Variants in TEX26 observed in about 807,000 individuals in gnomAD.
The protein encoded by TEX26 is testis-expressed protein 26.
TEX26 carries 34 observed loss-of-function variants against 35.3 expected under a neutral mutation model. The observed-to-expected ratio is 0.96, with a 90% confidence interval of 0.73 to 1.28. The LOEUF (loss-of-function observed/expected upper bound fraction) is 1.28. TEX26 is among the 50% of genes most tolerant of loss of function. The probability of loss-of-function intolerance (pLI) is 0.00; values close to 1 mark genes in which losing one functional copy is unlikely to be tolerated. For missense variants in TEX26, 371 were observed against 330.1 expected (o/e 1.12, Z -0.96); for synonymous variants, 136 against 111.8 (o/e 1.22, Z -1.36).
intron 5 of TEX26, 109 bp from the exon 6 acceptor site, chr13:30,968,776 G>A: frequency 2.0e-6 from 2 of 1,019,948 alleles, no homozygotes; most frequent in Non-Finnish European, 2.9e-6. Context: ...TGCTGCCTAA[G>A]CTCAAAGCTG....
intron 6 of TEX26, among the ~76,000 whole-genome samples, chr13:30,969,661 C>G (rs1478363781): frequency 6.6e-6 from 1 of 152,174 alleles, no homozygotes; most frequent in Admixed American, 6.5e-5. Context: ...GGAAACTGAG[C>G]TCTTCCTGCA....
intron 6 of TEX26, among the ~76,000 whole-genome samples, chr13:30,970,168 AGTGT>A (rs57600535): frequency 0.11 from 15,681 of 146,242 alleles, 851 homozygotes; most frequent in Middle Eastern, 0.21. Flanking sequence ...GGTGTGTGTG[AGTGT>A]GTGTGTGTGT....
intron 4 of TEX26, among the ~76,000 whole-genome samples, chr13:30,960,825 C>T (rs1999421): frequency 0.4 from 61,509 of 152,018 alleles, 14,614 homozygotes; most frequent in East Asian, 0.68. Context: ...GAGCAGAGGC[C>T]GATTCATTAT....
chr13:30,934,744 G>A (rs61947592), intron 1 of TEX26, among the ~76,000 whole-genome samples: 3,200 of 152,202 alleles, frequency 0.021, 64 homozygotes, highest in African/African-American at 0.047. Context: ...TCCCTGTGCC[G>A]CTACAGCCGC....
chr13:30,971,085 A>G (rs774009479), intron 6 of TEX26, among the ~76,000 whole-genome samples: 1 of 152,132 alleles, frequency 6.6e-6, no homozygotes, highest in Non-Finnish European at 1.5e-5. Context: ...TCTGCTTCCC[A>G]TGGATTTTCA....
rs759713241 is a variant in TEX26 at position 30,966,389 on chromosome 13, C to T, written c.637C>T (p.Gln213Ter). ...CTACTCAAGCTTGCCTGTTGCTTCT[C>T]AGGGTCTAGGTGAGTACAGCTGCAG... ...GCYSSLPVAS[Q>*]GLVPSVLHSY... Residue 213 changes from glutamine (Q) to a stop codon, truncating the protein, a stop_gained, in exon 5 of 7, where the codon CAG (glutamine) becomes TAG (stop). Transcript: ENST00000380473. LOFTEE classifies it high-confidence loss of function. 5 of 1,607,320 alleles carry T rather than the reference C, an allele frequency of 3.1e-6. No homozygotes were observed. The Admixed American group carries it at 5.0e-5, about 16-fold the overall frequency.
At chr13:30,971,641 C>T (rs1954714695) in intron 6 of TEX26, among the ~76,000 whole-genome samples, 1 of 152,188 alleles carries the variant, frequency 6.6e-6, no homozygotes, top group South Asian at 2.1e-4. Flanking sequence ...CCACTAACTC[C>T]GTATGTCACC....
In TEX26 at chr13:30,944,564, T is replaced by C. The variant is rs370827084; in HGVS notation, c.146+4786T>C. On this transcript the variant is annotated intron_variant, in intron 2 of 6. Transcript: ENST00000380473. Reference sequence around the variant, plus strand: ...TCAATTTGTGATCTTTCAGACTTTTTGCTGTAGGCATTTAGTGCTATAAAC... The same window carrying C: ...TCAATTTGTGATCTTTCAGACTTTTCGCTGTAGGCATTTAGTGCTATAAAC... 4.6e-5 allele frequency among the ~76,000 whole-genome samples: 7 copies of C among 152,218 alleles called. No individual in the cohort carries two copies. In the East Asian group the frequency reaches 1.3e-3, roughly 29 times the overall value.
chr13:30,951,989 C>T (rs1953940628), intron 2 of TEX26, among the ~76,000 whole-genome samples: 3 of 67,572 alleles, frequency 4.4e-5, no homozygotes, highest in Non-Finnish European at 8.3e-5. Flanking sequence ...GAAACAGAAT[C>T]ATTATTCTGG....
intron 4 of TEX26, among the ~76,000 whole-genome samples, chr13:30,963,392 C>T (rs1258098505): frequency 1.3e-5 from 2 of 152,136 alleles, no homozygotes; most frequent in African/African-American, 2.4e-5. Context: ...TTTTAGGTGT[C>T]GCTTAGGTCC....
Position 30,956,907 on chromosome 13 carries a change from A to T in TEX26, c.347A>T (p.Gln116Leu). Residue 116 changes from glutamine to leucine, a missense_variant, in exon 4 of 7, where the codon CAA becomes CTA. Gln to Leu is a moderately radical substitution (Grantham distance 113). Coordinates refer to ENST00000380473, the MANE Select transcript of TEX26 (RefSeq NM_152325.3). ...CTGTGGACACTACCTCACTGTCAAC[A>T]AACGGGGACACTAAAGAACTGCCTC... ...IFLWTLPHCQ[Q>L]TGTLKNCLPW... 1 of 1,614,236 alleles carries T rather than the reference A, an allele frequency of 6.2e-7. No homozygotes were observed. The highest frequency in any genetic ancestry group is 8.5e-7 in the Non-Finnish European group (1 of 1,180,026).
intron 3 of TEX26, among the ~76,000 whole-genome samples, chr13:30,956,589 C>A (rs1037931989): frequency 6.6e-6 from 1 of 152,152 alleles, no homozygotes; most frequent in African/African-American, 2.4e-5. Flanking sequence ...TTATTTCTTC[C>A]CTTAGTCTTA....
chr13:30,948,909 A>T (rs1426013423), intron 2 of TEX26, among the ~76,000 whole-genome samples: 1 of 152,136 alleles, frequency 6.6e-6, no homozygotes, highest in Non-Finnish European at 1.5e-5. Flanking sequence ...TCTTGAATTA[A>T]TTTTTGTATA....
At chr13:30,938,478 C>A (rs1017040128) in intron 1 of TEX26, among the ~76,000 whole-genome samples, 2 of 152,136 alleles carry the variant, frequency 1.3e-5, no homozygotes, top group Admixed American at 6.6e-5. Flanking sequence ...GAGGGCATTG[C>A]ATGGTGATAG....
chr13:30,948,310 G>A (rs1953792522), intron 2 of TEX26, among the ~76,000 whole-genome samples: 1 of 152,130 alleles, frequency 6.6e-6, no homozygotes, highest in South Asian at 2.1e-4. Flanking sequence ...CTGAGGAATC[G>A]CCACACCAAC....
intron 6 of TEX26, among the ~76,000 whole-genome samples, chr13:30,972,953 A>G (rs946575979): frequency 1.3e-5 from 2 of 152,236 alleles, no homozygotes; most frequent in Admixed American, 6.5e-5. Context: ...GAGTACAATC[A>G]CTTTGGAAAC....
At chr13:30,947,686 C>G (rs1953763156) in intron 2 of TEX26, among the ~76,000 whole-genome samples, 1 of 152,048 alleles carries the variant, frequency 6.6e-6, no homozygotes, top group South Asian at 2.1e-4. Flanking sequence ...TTTCTATGTT[C>G]AAAAAGGATT....
intron 2 of TEX26, among the ~76,000 whole-genome samples, chr13:30,943,267 G>T (rs12870193): frequency 6.6e-6 from 1 of 151,856 alleles, no homozygotes; most frequent in African/African-American, 2.4e-5. Context: ...GTTGTACAAC[G>T]GATTGAGTTA....
chr13:30,940,347 T>C (rs1953437194), intron 2 of TEX26, among the ~76,000 whole-genome samples: 1 of 131,548 alleles, frequency 7.6e-6, no homozygotes, highest in Non-Finnish European at 1.6e-5. Flanking sequence ...TTTTTTTTTT[T>C]TTTTGAGACA....
Sources: gnomAD v4.1 joint callset for allele counts (sites outside exome capture counted in the v4.1 genomes callset) on GRCh38, gnomAD v4.1.1 for gene constraint, MANE v1.5 for transcripts, NCBI Gene and HGNC (gene_info 2026-07-23, HGNC 2026-07-21) for gene names.